The following PPIG variants were observed in gnomAD, a reference collection of about 807,000 sequenced individuals.
PPIG encodes peptidylprolyl isomerase G, also known as peptidyl-prolyl cis-trans isomerase G.
PPIG carries 26 observed loss-of-function variants against 87.9 expected under a neutral mutation model. The observed-to-expected ratio is 0.30, with a 90% CI of 0.22 to 0.41. The LOEUF is 0.41. Among genes scored for constraint, PPIG ranks in the 10% least tolerant of loss-of-function variants. The pLI is 1.00. For synonymous variants in PPIG, 308 were observed against 276.5 expected (o/e 1.11, Z -1.13); for missense variants, 722 against 879.4 (o/e 0.82, Z 2.26).
intron 1 of PPIG, among the ~76,000 whole-genome samples, chr2:169,593,100 C>G (rs1380836668): frequency 2.0e-5 from 3 of 151,294 alleles, no homozygotes; most frequent in Non-Finnish European, 4.4e-5. Flanking sequence ...CACACATGTA[C>G]ATTATAATGT....
At chr2:169,596,307 G>A (rs541890584) in intron 1 of PPIG, among the ~76,000 whole-genome samples, 1 of 151,542 alleles carries the variant, frequency 6.6e-6, no homozygotes, top group African/African-American at 2.4e-5. Context: ...GTTTCATCAT[G>A]TTGGCCAGGC....
chr2:169,614,214 A>G (rs1221807753), intron 7 of PPIG, among the ~76,000 whole-genome samples: 2 of 152,244 alleles, frequency 1.3e-5, no homozygotes, highest in Non-Finnish European at 2.9e-5. Flanking sequence ...TTTTAGTTAC[A>G]TAAAAGTTTT....
intron 9 of PPIG, among the ~76,000 whole-genome samples, chr2:169,625,834 C>G (rs879861260): frequency 1.1e-4 from 17 of 152,034 alleles, no homozygotes; most frequent in Admixed American, 8.5e-4. Flanking sequence ...TGAAACTGTT[C>G]CACCTCAGAT....
chr2:169,604,245 T>C lies in PPIG; in HGVS notation c.120T>C (p.Phe40=), dbSNP rs759858781. 6.2e-7 allele frequency: 1 copy of C among 1,611,798 alleles called. No individual in the cohort carries two copies. Among genetic ancestry groups the C allele is most frequent in the Non-Finnish European group, 8.5e-7 (1 of 1,179,516 alleles). The stretch of plus-strand genomic sequence containing the variant: ...TGTGCCCCAAAACATGCGAGAACTT[T>C]CGTTGTCTTTGTACAGGTTTGTTCA... ...SDVCPKTCEN[F]RCLCTGEKGT... The change falls in exon 4 of 14, where the codon TTT becomes TTC. Residue 40 remains phenylalanine (F), a synonymous_variant. Transcript: ENST00000260970.
intron 1 of PPIG, among the ~76,000 whole-genome samples, chr2:169,588,019 C>G (rs1261362936): frequency 1.3e-5 from 2 of 151,916 alleles, no homozygotes; most frequent in Non-Finnish European, 2.9e-5. Flanking sequence ...CAAAAATTAG[C>G]TGGGCATTGG....
chr2:169,587,303 G>A (rs572110704), intron 1 of PPIG, among the ~76,000 whole-genome samples: 4 of 150,952 alleles, frequency 2.6e-5, no homozygotes, highest in East Asian at 3.9e-4. Flanking sequence ...GTGCAGTGGC[G>A]TGATCTCGGC....
chr2:169,592,912 A>G (rs1684907840), intron 1 of PPIG, among the ~76,000 whole-genome samples: 1 of 152,180 alleles, frequency 6.6e-6, no homozygotes, highest in Non-Finnish European at 1.5e-5. Context: ...ATTAGCTGCT[A>G]ATATTAAAAC....
chr2:169,594,651 CAG>C (rs1210208862), intron 1 of PPIG, among the ~76,000 whole-genome samples: 7 of 120,916 alleles, frequency 5.8e-5, no homozygotes, highest in Non-Finnish European at 9.7e-5. Context: ...TTTTTTGAGA[CAG>C]AGTCTCTGTC....
chr2:169,637,790 A>C lies in PPIG; in HGVS notation c.*267A>C. ...CTGTGTTTAACTATTTTATGTATGC[A>C]TTACTGTGTTGCAACAATTAGCCAA... On this transcript the variant is annotated 3_prime_UTR_variant, in exon 14 of 14. Coordinates refer to ENST00000260970, the MANE Select transcript of PPIG (RefSeq NM_004792.3). The C allele has an allele frequency of 3.9e-6, 1 of 258,694 alleles. No individual in the cohort carries two copies. The highest frequency in any genetic ancestry group is 7.2e-6 in the Non-Finnish European group (1 of 138,188). 16.0% of individuals were successfully genotyped at this position (258,694 alleles called of 1,614,324 possible).
At chr2:169,625,637 G>A (rs961250263) in intron 9 of PPIG, among the ~76,000 whole-genome samples, 12 of 151,858 alleles carry the variant, frequency 7.9e-5, no homozygotes, top group Non-Finnish European at 1.0e-4. Context: ...TTCCTTTACC[G>A]CCTATTATTT....
At chr2:169,609,506 G>A (rs755718606) in intron 7 of PPIG, among the ~76,000 whole-genome samples, 5 of 152,156 alleles carry the variant, frequency 3.3e-5, no homozygotes, top group Non-Finnish European at 7.3e-5. Flanking sequence ...TAGAGGGGAA[G>A]TTAAATTGTT....
intron 9 of PPIG, among the ~76,000 whole-genome samples, chr2:169,628,912 C>T (rs1015988382): frequency 2.2e-5 from 3 of 137,570 alleles, no homozygotes; most frequent in Non-Finnish European, 4.5e-5. Flanking sequence ...GCACTCTAGC[C>T]TGGGCAACAG....
chr2:169,605,491 G>C (rs932341973), intron 4 of PPIG, among the ~76,000 whole-genome samples: 1 of 151,178 alleles, frequency 6.6e-6, no homozygotes, highest in African/African-American at 2.4e-5. Context: ...CGACAAGAGT[G>C]AGATCCTGTC....
intron 5 of PPIG, 40 bp from the exon 6 acceptor site, chr2:169,607,064 A>C: frequency 1.5e-6 from 2 of 1,324,598 alleles, no homozygotes; most frequent in Non-Finnish European, 2.1e-6. Flanking sequence ...ACCTTTGAGG[A>C]GCTTACTGAG....
At chr2:169,615,570 C>T (rs571676399) in intron 9 of PPIG, among the ~76,000 whole-genome samples, 1 of 152,182 alleles carries the variant, frequency 6.6e-6, no homozygotes, top group Non-Finnish European at 1.5e-5. Context: ...ATATGGTATT[C>T]GTCCTTTTGT....
chr2:169,632,557 T>G (rs1033614963), intron 11 of PPIG, among the ~76,000 whole-genome samples: 3 of 151,688 alleles, frequency 2.0e-5, no homozygotes, highest in Non-Finnish European at 4.4e-5. Context: ...CTGGCTAACA[T>G]GGTGAAACCC....
intron 9 of PPIG, among the ~76,000 whole-genome samples, chr2:169,621,137 TA>T (rs1289419257): frequency 6.6e-6 from 1 of 152,168 alleles, no homozygotes; most frequent in Non-Finnish European, 1.5e-5. Context: ...TAAATGTCCT[TA>T]AAATTTCTTA....
At chr2:169,592,697 C>CGAAGGGAAA (rs1684902999) in intron 1 of PPIG, among the ~76,000 whole-genome samples, 1 of 152,126 alleles carries the variant, frequency 6.6e-6, no homozygotes, top group African/African-American at 2.4e-5. Flanking sequence ...CCCTTCGCCC[C>CGAAGGGAAA]TCAAAGTGCT....
chr2:169,621,376 G>C (rs1279431743), intron 9 of PPIG, among the ~76,000 whole-genome samples: 1 of 152,016 alleles, frequency 6.6e-6, no homozygotes, highest in Admixed American at 6.6e-5. Flanking sequence ...TCACAGGTAA[G>C]TTATTGCAAT....
Sources: allele counts gnomAD v4.1 joint callset (sites outside exome capture counted in the v4.1 genomes callset), GRCh38; gene constraint gnomAD v4.1.1; transcripts MANE v1.5; gene names NCBI Gene and HGNC (gene_info 2026-07-23, HGNC 2026-07-21).